The following CD34 variants were observed in gnomAD, a reference collection of about 807,000 sequenced individuals.
CD34 encodes the protein hematopoietic progenitor cell antigen CD34.
Under a neutral mutation model 40.1 loss-of-function variants are expected in CD34, and 34 were observed. That is an observed-to-expected ratio of 0.85 (90% confidence interval 0.65 to 1.13). The LOEUF (loss-of-function observed/expected upper bound fraction) is 1.13. Ranked by LOEUF, CD34 falls within the 50% of genes most tolerant of loss-of-function variation. The pLI, the probability that CD34 is intolerant of heterozygous loss-of-function variation, is 0.00. For missense variants in CD34, 426 were observed against 466.9 expected (o/e 0.91, Z 0.81); for synonymous variants, 209 against 190.0 (o/e 1.10, Z -0.82).
chr1:207,910,965 C>T, intron 1 of CD34, 37 bp downstream of exon 1: 15 of 1,546,018 alleles, frequency 9.7e-6, no homozygotes, highest in Non-Finnish European at 1.3e-5. Context: ...CTCCCCGCGG[C>T]GAAGCCAAGC....
intron 4 of CD34, among the ~76,000 whole-genome samples, chr1:207,893,230 A>C (rs1318590215): frequency 6.6e-6 from 1 of 152,138 alleles, no homozygotes; most frequent in Non-Finnish European, 1.5e-5. Flanking sequence ...CTAGAGTAGC[A>C]TTCTCAAACT....
At chr1:207,895,970 A>G (rs1349875054) in intron 4 of CD34, among the ~76,000 whole-genome samples, 1 of 152,208 alleles carries the variant, frequency 6.6e-6, no homozygotes, top group Non-Finnish European at 1.5e-5. Flanking sequence ...TTATTCTACT[A>G]TGCAAACTCA....
intron 4 of CD34, among the ~76,000 whole-genome samples, chr1:207,891,006 A>G (rs1286528828): frequency 6.6e-6 from 1 of 152,112 alleles, no homozygotes; most frequent in Non-Finnish European, 1.5e-5. Flanking sequence ...GGAGCCTTAC[A>G]TGGCTTCCCC....
chr1:207,895,317 C>G (rs1422762829), intron 4 of CD34, among the ~76,000 whole-genome samples: 6 of 152,154 alleles, frequency 3.9e-5, no homozygotes, highest in African/African-American at 1.2e-4. Flanking sequence ...TAGCAGGAGG[C>G]TTTGCCGCAT....
intron 1 of CD34, among the ~76,000 whole-genome samples, chr1:207,901,378 C>A (rs755067747): frequency 6.6e-6 from 1 of 152,242 alleles, no homozygotes; most frequent in Non-Finnish European, 1.5e-5. Flanking sequence ...GTCCATCCTG[C>A]TAAGGGGAAC....
At position 207,911,063 on chromosome 1, in the gene CD34, G is replaced by T; in HGVS notation, c.18C>A (p.Gly6=). 1.3e-6 allele frequency: 2 copies of T among 1,588,016 alleles called. No homozygotes were observed. Among genetic ancestry groups the T allele is most frequent in the African/African-American group, 1.3e-5 (1 of 74,670 alleles). The stretch of plus-strand genomic sequence containing the variant: ...GCGGCATCCTGGGCCCTGCGCGCGC[G>T]CCCCTGCGGACCAGCATCCTTCCCG... MLVRR[G]ARAGPRMPRG... Residue 6 remains glycine, a synonymous_variant, in exon 1 of 8, where the codon GGC becomes GGA. Coordinates refer to ENST00000310833, the MANE Select transcript of CD34 (RefSeq NM_001025109.2).
chr1:207,897,029 C>A (rs1662164460), intron 4 of CD34, among the ~76,000 whole-genome samples: 1 of 151,756 alleles, frequency 6.6e-6, no homozygotes, highest in African/African-American at 2.4e-5. Context: ...AACATTACAG[C>A]AAAATAAATT....
Position 207,884,940 on chromosome 1 carries a change from A to T in CD34, c.*2798T>A, listed in dbSNP as rs1192262422. 1 of 152,232 alleles carries T rather than the reference A, an allele frequency of 6.6e-6. No individual in the cohort carries two copies. The highest frequency in any genetic ancestry group is 1.5e-5 in the Non-Finnish European group (1 of 68,048). The allele number at this position is 152,232 out of a possible 1,614,324, so 9.4% of individuals were successfully genotyped here. On this transcript the variant is annotated 3_prime_UTR_variant, in exon 8 of 8. Transcript: ENST00000310833. Reference sequence around the variant, plus strand: ...TGGCTTCATGACATCCAACTGGAGTAACACGGAGGACTCGGCAGAAGAGTA... The same window carrying T: ...TGGCTTCATGACATCCAACTGGAGTTACACGGAGGACTCGGCAGAAGAGTA...
At chr1:207,895,906 A>G (rs1558119902) in intron 4 of CD34, among the ~76,000 whole-genome samples, 1 of 152,218 alleles carries the variant, frequency 6.6e-6, no homozygotes, top group Non-Finnish European at 1.5e-5. Flanking sequence ...GCTGCATGTT[A>G]CTTGTACATT....
At chr1:207,905,506 C>T (rs559300121) in intron 1 of CD34, among the ~76,000 whole-genome samples, 2 of 152,168 alleles carry the variant, frequency 1.3e-5, no homozygotes, top group East Asian at 1.9e-4. Flanking sequence ...ATATATGGCC[C>T]CTAAAGCCTA....
intron 6 of CD34, 38 bp downstream of exon 6, chr1:207,889,123 G>A (rs1489590583): frequency 1.4e-5 from 18 of 1,280,826 alleles, no homozygotes; most frequent in Admixed American, 6.7e-5. Context: ...CCCCTGCCCC[G>A]GCATTCCCTC....
At chr1:207,888,621 C>A in intron 7 of CD34, 61 bp downstream of exon 7, 1 of 1,546,066 alleles carries the variant, frequency 6.5e-7, no homozygotes, top group Middle Eastern at 2.2e-4. Context: ...ATGACATCCA[C>A]TGAACTCCCC....
intron 1 of CD34, among the ~76,000 whole-genome samples, chr1:207,906,857 A>AAAT (rs1662392680): frequency 6.6e-6 from 1 of 151,568 alleles, no homozygotes; most frequent in Non-Finnish European, 1.5e-5. Flanking sequence ...ATAAATAAAT[A>AAAT]AATAAATAAA....
chr1:207,904,945 G>C (rs1278525809), intron 1 of CD34, among the ~76,000 whole-genome samples: 1 of 152,096 alleles, frequency 6.6e-6, no homozygotes, highest in Middle Eastern at 3.2e-3. Context: ...TTTTAAGGGG[G>C]AATTAATTAA....
At chr1:207,907,860 G>A (rs1019092865) in intron 1 of CD34, among the ~76,000 whole-genome samples, 13 of 152,114 alleles carry the variant, frequency 8.5e-5, no homozygotes, top group Non-Finnish European at 1.8e-4. Context: ...TCACAGCCCT[G>A]GCGACTGTGA....
rs143027027 is a variant in CD34, at chr1:207,907,771, A to G, written c.79+3231T>C. ...GCTCTGGGACTAAAAGTCATAGATAATATGTTTTCATTTATTAGCTAAGGA... is the reference window on the plus strand; with the variant it reads ...GCTCTGGGACTAAAAGTCATAGATAGTATGTTTTCATTTATTAGCTAAGGA... On this transcript the variant is annotated intron_variant, in intron 1 of 7. Transcript: ENST00000310833. 2.8e-3 allele frequency among the ~76,000 whole-genome samples: 419 copies of G among 152,270 alleles called. 2 individuals are homozygous for G. Among genetic ancestry groups the G allele is most frequent in the African/African-American group, 9.7e-3 (403 of 41,542 alleles).
rs776999183 is a variant in CD34, at chr1:207,886,704, T to G, written c.*1034A>C. 6.5e-6 allele frequency: 1 copy of G among 152,712 alleles called. No homozygotes were observed. The highest frequency in any genetic ancestry group is 1.5e-5 in the Non-Finnish European group (1 of 68,102). The allele number at this position is 152,712 out of a possible 1,614,324, so 9.5% of individuals were successfully genotyped here. Reference sequence around the variant, plus strand: ...AAGAAATCAACAGCAAACAAGGACCTGGGTCACCCACAGAAGAGGCAGCTG... The same window carrying G: ...AAGAAATCAACAGCAAACAAGGACCGGGGTCACCCACAGAAGAGGCAGCTG... On this transcript the variant is annotated 3_prime_UTR_variant, in exon 8 of 8. Transcript: ENST00000310833.
Position 207,899,923 on chromosome 1 carries a change from T to C in CD34, c.160A>G (p.Thr54Ala). Reference protein sequence around the residue: ...PTQGTFSNVSTNVSYQETTTP... With the variant: ...PTQGTFSNVSANVSYQETTTP... ...GTAGTTTCTTGGTAGGATACATTTG[T>C]AGAAACATTTGAAAATGTTCCCTGG... The change falls in exon 2 of 8, where the codon ACA becomes GCA. Residue 54 changes from threonine to alanine, a missense_variant. Transcript: ENST00000310833. 1 of 1,614,014 alleles carries C rather than the reference T, an allele frequency of 6.2e-7. No individual in the cohort carries two copies. Among genetic ancestry groups the C allele is most frequent in the Non-Finnish European group, 8.5e-7 (1 of 1,179,876 alleles).
At chr1:207,896,822 C>A (rs2102300335) in intron 4 of CD34, among the ~76,000 whole-genome samples, 1 of 152,006 alleles carries the variant, frequency 6.6e-6, no homozygotes, top group Middle Eastern at 3.4e-3. Context: ...ATTACAAATA[C>A]TGTAGTAAAA....
Sources: gnomAD v4.1 joint callset for allele counts (sites outside exome capture counted in the v4.1 genomes callset) on GRCh38, gnomAD v4.1.1 for gene constraint, MANE v1.5 for transcripts, NCBI Gene and HGNC (gene_info 2026-07-23, HGNC 2026-07-21) for gene names.